NBPF14: variants seen among roughly 807,000 people sequenced by gnomAD.
NBPF14 encodes NBPF member 14.
A neutral mutation model predicts 91.2 loss-of-function variants in NBPF14; 104 were observed. That is an observed-to-expected ratio of 1.14 (90% CI 0.97 to 1.34). The LOEUF (loss-of-function observed/expected upper bound fraction) is 1.34, where lower values mean the gene tolerates loss of function less well. Ranked by LOEUF, NBPF14 falls within the 40% of genes most tolerant of loss-of-function variation. The pLI, the probability that NBPF14 is intolerant of heterozygous loss-of-function variation, is 0.00. For missense variants in NBPF14, 908 were observed against 783.0 expected (o/e 1.16, Z -1.91); for synonymous variants, 294 against 303.8 (o/e 0.97, Z 0.34).
intron 70 of NBPF14, 125 bp downstream of exon 70, chr1:148,533,736 G>A (rs71277131): frequency 0.069 from 51,376 of 748,044 alleles, 2,457 homozygotes; most frequent in Non-Finnish European, 0.089. Flanking sequence ...AAAACCAACA[G>A]CAATGACAGT....
exon 17 of NBPF14, chr1:148,575,794 A>G: frequency 3.3e-6 from 1 of 304,000 alleles, no homozygotes; most frequent in Non-Finnish European, 5.6e-6. Flanking sequence ...TTTCTCATCC[A>G]GCAGCTCCCT....
Position 148,571,234 on chromosome 1 carries a change from GACACAC to G in NBPF14, c.2811-203_2811-198del, listed in dbSNP as rs1187478824. 1.5e-4 allele frequency among the ~76,000 whole-genome samples: 11 copies of G among 72,774 alleles called. No homozygotes were observed. The East Asian group carries it at 2.9e-3, about 19-fold the overall frequency. 47.7% of individuals were successfully genotyped at this position (72,774 alleles called of 152,430 possible). A position where few individuals can be genotyped will look rare whatever the true frequency, so the allele number is the denominator to read the frequency against. On this transcript the variant is annotated intron_variant, in intron 22 of 70. Coordinates refer to ENST00000619423, the Ensembl canonical transcript of NBPF14. ...AAAGAATGAAAGAGAAAGACAGATA[GACACAC>G]ACACACACACACACACACACACACA... is the stretch of plus-strand genomic sequence containing the variant.
rs1195867916 is a variant in NBPF14, at chr1:148,592,735, G to A, written c.310C>T (p.Arg104Ter). Residue 104 changes from arginine (R) to a stop codon, truncating the protein, a stop_gained, in exon 4 of 71, where the codon CGA (arginine) becomes TGA (stop). Transcript: ENST00000619423. LOFTEE classifies it high-confidence loss of function. ...TTCTCCCTTAGCTGGGTCAGCTCTC[G>A]TTCCTGAGAGTGAACCAGGACTTTA... The A allele has an allele frequency of 1.2e-4, 193 of 1,585,412 alleles. 15 individuals carry two copies. The highest frequency in any genetic ancestry group is 5.3e-4 in the African/African-American group (39 of 73,756).
chr1:148,581,448 CGTT>C (rs1348760044), intron 12 of NBPF14, among the ~76,000 whole-genome samples: 3 of 150,340 alleles, frequency 2.0e-5, no homozygotes, highest in Non-Finnish European at 3.0e-5. Context: ...CTTCCACAAT[CGTT>C]GAACTAGTTT....
At chr1:148,533,887 T>C (rs1316795167) in exon 70 of NBPF14, 4 of 760,572 alleles carry the variant, frequency 5.3e-6, no homozygotes, top group East Asian at 4.9e-5. Context: ...TTTGATCTTC[T>C]TCCCCTTCTT....
chr1:148,574,426 C>G (rs1244792374), intron 18 of NBPF14, among the ~76,000 whole-genome samples: 1 of 41,784 alleles, frequency 2.4e-5, no homozygotes, highest in East Asian at 7.9e-4. Context: ...CAGATAGACA[C>G]ACACACACAC....
intron 12 of NBPF14, among the ~76,000 whole-genome samples, chr1:148,579,782 C>G (rs1347163372): frequency 1.2e-4 from 18 of 152,138 alleles, no homozygotes; most frequent in African/African-American, 4.3e-4. Flanking sequence ...AGAGAATAGG[C>G]AACACCAAGA....
rs1659219459 is a variant in NBPF14, at chr1:148,572,320, G to A, written c.2758+123C>T. The A allele has an allele frequency of 3.7e-5, 9 of 241,634 alleles. 1 individual carries two copies. Among genetic ancestry groups the A allele is most frequent in the East Asian group, 2.4e-4 (3 of 12,260 alleles). 15.0% of individuals were successfully genotyped at this position (241,634 alleles called of 1,614,324 possible). A position where few individuals can be genotyped will look rare whatever the true frequency, so the allele number is the denominator to read the frequency against. On this transcript the variant is annotated intron_variant, in intron 21 of 70. Coordinates refer to ENST00000619423, the Ensembl canonical transcript of NBPF14. Reference sequence around the variant, plus strand: ...TACAGTTTCATTACAACCTATATGCGCCCATAGGTCCTGCCTGCGGCAATG... The same window carrying A: ...TACAGTTTCATTACAACCTATATGCACCCATAGGTCCTGCCTGCGGCAATG...
At chr1:148,566,366 C>G (rs1270631667) in intron 28 of NBPF14, 51 bp from the exon 29 acceptor site, 31 of 753,834 alleles carry the variant, frequency 4.1e-5, no homozygotes, top group South Asian at 2.1e-4. Flanking sequence ...TCAGACACAA[C>G]AGAGCCTCAA....
intron 34 of NBPF14, among the ~76,000 whole-genome samples, chr1:148,561,796 C>G (rs1259764025): frequency 2.1e-3 from 204 of 97,734 alleles, no homozygotes; most frequent in African/African-American, 8.9e-3. Flanking sequence ...CACACACACA[C>G]ACACAAACAC....
At chr1:148,577,543 GACACAC>G (rs1184575767) in intron 14 of NBPF14, among the ~76,000 whole-genome samples, 188 bp from the exon 15 acceptor site, 9,080 of 140,572 alleles carry the variant, frequency 0.065, 874 homozygotes, top group African/African-American at 0.21. Flanking sequence ...GAACGAGAAA[GACACAC>G]ACACACACAC....
At chr1:148,561,906 G>A (rs1570952070) in intron 34 of NBPF14, among the ~76,000 whole-genome samples, 1 of 128,672 alleles carries the variant, frequency 7.8e-6, no homozygotes, top group Admixed American at 7.3e-5. Flanking sequence ...GACACTCTGA[G>A]TTAGTGCCCT....
rs1293698656 is a variant in NBPF14 at position 148,572,618 on chromosome 1, G to A, written c.2586-3C>T. The stretch of plus-strand genomic sequence containing the variant: ...CATCCAGCAGCTCCCTGCTGAGCCT[G>A]GAAAAGTGGGAAAAAGTAAAGAATA... On this transcript the variant is annotated splice_region_variant and splice_polypyrimidine_tract_variant and intron_variant, in intron 20 of 70. Coordinates refer to ENST00000619423, the Ensembl canonical transcript of NBPF14. 8 of 565,594 alleles carry A rather than the reference G, an allele frequency of 1.4e-5. No homozygotes were observed. In the East Asian group the frequency reaches 2.3e-4, roughly 16 times the overall value. 35.0% of individuals were successfully genotyped at this position (565,594 alleles called of 1,614,324 possible).
At chr1:148,534,289 T>C (rs1373574155) in intron 69 of NBPF14, among the ~76,000 whole-genome samples, 62 of 151,948 alleles carry the variant, frequency 4.1e-4, no homozygotes, top group Non-Finnish European at 7.4e-4. Context: ...GGAGAAAAAC[T>C]GCAATATTTA....
At chr1:148,534,826 A>T (rs1306556182) in exon 69 of NBPF14, 1 of 1,118,086 alleles carries the variant, frequency 8.9e-7, no homozygotes, top group Non-Finnish European at 1.3e-6. Context: ...AGACTTCAGG[A>T]TCTTTCTCAT....
chr1:148,559,467 G>A (rs1313553131), intron 37 of NBPF14, among the ~76,000 whole-genome samples: 2 of 130,956 alleles, frequency 1.5e-5, no homozygotes, highest in African/African-American at 3.8e-5. Flanking sequence ...TGAAATTAGA[G>A]TGAAGGATGA....
At position 148,535,381 on chromosome 1, in the gene NBPF14, T is replaced by A. The variant is rs1357292471; in HGVS notation, c.8441+72A>T. 1,143 of 533,684 alleles carry A rather than the reference T, an allele frequency of 2.1e-3. 33 individuals are homozygous for A. The highest frequency in any genetic ancestry group is 0.014 in the East Asian group (411 of 29,212). The allele number at this position is 533,684 out of a possible 1,614,324, so 33.1% of individuals were successfully genotyped here. The stretch of plus-strand genomic sequence containing the variant: ...GCTGAAAACATGAAATTGAACACAC[T>A]CTTGTTTTCCCTGGACCTGGCATCT... On this transcript the variant is annotated intron_variant, in intron 68 of 70. Coordinates refer to ENST00000619423, the Ensembl canonical transcript of NBPF14.
chr1:148,586,920 G>A (rs1270270979), intron 8 of NBPF14, among the ~76,000 whole-genome samples: 1 of 144,412 alleles, frequency 6.9e-6, no homozygotes, highest in Non-Finnish European at 1.5e-5. Flanking sequence ...AGGCAACATT[G>A]ATTGAGTGAA....
Position 148,533,303 on chromosome 1 carries a change from G to A in NBPF14, c.8724-55C>T, listed in dbSNP as rs1462548311. On this transcript the variant is annotated intron_variant, in intron 70 of 70. Transcript: ENST00000619423. ...GCCAGGGAAAATCAGACACCACAGA[G>A]CCCCAGCTAGATTTCAGAAGCAACA... 5.1e-5 allele frequency: 26 copies of A among 509,608 alleles called. No homozygotes were observed. In the Middle Eastern group the frequency reaches 1.5e-3, roughly 29 times the overall value. The allele number at this position is 509,608 out of a possible 1,614,324, so 31.6% of individuals were successfully genotyped here.
Sources: allele counts gnomAD v4.1 joint callset (sites outside exome capture counted in the v4.1 genomes callset), GRCh38; gene constraint gnomAD v4.1.1; transcripts MANE v1.5; gene names NCBI Gene and HGNC (gene_info 2026-07-23, HGNC 2026-07-21).